The following PCDHA4 variants were observed in gnomAD, a reference collection of about 807,000 sequenced individuals.
PCDHA4 encodes protocadherin alpha-4.
PCDHA4 carries 49 observed loss-of-function variants against 61.4 expected under a neutral mutation model. The ratio of observed to expected loss-of-function variants is 0.80; its 90% CI spans 0.63 to 1.01. PCDHA4 has a LOEUF of 1.01. PCDHA4 is among the 50% of genes least tolerant of loss of function. PCDHA4 has a pLI of 0.00. For synonymous variants in PCDHA4, 590 were observed against 550.3 expected (o/e 1.07, Z -1.01); for missense variants, 1,254 against 1,235.8 (o/e 1.01, Z -0.22).
At chr5:140,934,957 G>A (rs2090122349) in intron 1 of PCDHA4, among the ~76,000 whole-genome samples, 1 of 152,250 alleles carries the variant, frequency 6.6e-6, no homozygotes, top group Non-Finnish European at 1.5e-5. Context: ...GATCCCATGT[G>A]CTTGTCACCC....
chr5:140,841,773 G>C (rs1292935559), intron 1 of PCDHA4: 2 of 1,613,894 alleles, frequency 1.2e-6, no homozygotes, highest in East Asian at 4.5e-5. Flanking sequence ...CCAGACTCTC[G>C]GTTTCCGCTA....
chr5:140,871,044 A>G, intron 1 of PCDHA4: 1 of 1,613,304 alleles, frequency 6.2e-7, no homozygotes, highest in Non-Finnish European at 8.5e-7. Flanking sequence ...ACCGACTTCT[A>G]GTACTGGTGA....
Position 140,809,005 on chromosome 5 carries a change from G to C in PCDHA4, c.1818G>C (p.Trp606Cys). 1.2e-6 allele frequency: 2 copies of C among 1,613,694 alleles called. No individual in the cohort carries two copies. Reference sequence around the variant, plus strand: ...ATGCTGACTCGGGCTACAACGCGTGGCTTTCGTACGAGCTGCAGCCGGGGA... The same window carrying C: ...ATGCTGACTCGGGCTACAACGCGTGCCTTTCGTACGAGCTGCAGCCGGGGA... ...AVDADSGYNAWLSYELQPGTG... is the reference protein window; with the variant it reads ...AVDADSGYNACLSYELQPGTG... The change falls in exon 1 of 4, where the codon TGG becomes TGC. Residue 606 changes from tryptophan (W) to cysteine (C), a missense_variant. Coordinates refer to ENST00000530339, the MANE Select transcript of PCDHA4 (RefSeq NM_018907.4).
In PCDHA4 at chr5:140,807,999, A is replaced by T. The variant is rs1554124378; in HGVS notation, c.812A>T (p.Glu271Val). 1 of 1,613,834 alleles carries T rather than the reference A, an allele frequency of 6.2e-7. No individual in the cohort carries two copies. Among genetic ancestry groups the T allele is most frequent in the Non-Finnish European group, 8.5e-7 (1 of 1,179,742 alleles). ...AAACTTAACGCCTCAGATTTAGACG[A>T]AGGATTGAATGGGGACATTGTTTAT... ...VIKLNASDLD[E>V]GLNGDIVYSF... The change falls in exon 1 of 4, where the codon GAA becomes GTA. Residue 271 changes from glutamate to valine, a missense_variant. Coordinates refer to ENST00000530339, the MANE Select transcript of PCDHA4 (RefSeq NM_018907.4).
intron 1 of PCDHA4, chr5:140,866,128 A>G (rs1022878402): frequency 6.6e-6 from 1 of 152,166 alleles, no homozygotes; most frequent in Non-Finnish European, 1.5e-5. Flanking sequence ...AGAACTACGT[A>G]TCTGTTGTTT....
chr5:140,829,371 CG>C (rs1770257793), intron 1 of PCDHA4: 9 of 1,614,198 alleles, frequency 5.6e-6, no homozygotes, highest in Non-Finnish European at 6.8e-6. Flanking sequence ...GTGGTAACCG[CG>C]CGGGACGGGG....
intron 1 of PCDHA4, among the ~76,000 whole-genome samples, chr5:140,907,970 A>G (rs1312755290): frequency 6.6e-6 from 1 of 152,158 alleles, no homozygotes; most frequent in African/African-American, 2.4e-5. Context: ...CAATTTTCCA[A>G]TCATGCTTCT....
At chr5:140,987,007 A>T (rs2097221901) in intron 3 of PCDHA4, among the ~76,000 whole-genome samples, 1 of 152,144 alleles carries the variant, frequency 6.6e-6, no homozygotes, top group Non-Finnish European at 1.5e-5. Context: ...TGAGGTCATG[A>T]GTTCGAGACC....
intron 3 of PCDHA4, among the ~76,000 whole-genome samples, chr5:141,000,648 G>A (rs559996046): frequency 8.9e-4 from 134 of 150,894 alleles, no homozygotes; most frequent in African/African-American, 2.6e-3. Flanking sequence ...GGCTGGTCTC[G>A]AACTCCTGAC....
intron 1 of PCDHA4, among the ~76,000 whole-genome samples, chr5:140,935,583 C>T (rs1182817725): frequency 1.3e-5 from 2 of 152,168 alleles, no homozygotes; most frequent in Admixed American, 6.5e-5. Flanking sequence ...AGTTAAGCCA[C>T]CAGCTAGATA....
chr5:140,823,693 G>A, intron 1 of PCDHA4: 1 of 1,613,958 alleles, frequency 6.2e-7, no homozygotes, highest in Non-Finnish European at 8.5e-7. Context: ...GGATGAGACC[G>A]AAGCACCGCG....
intron 3 of PCDHA4, among the ~76,000 whole-genome samples, chr5:141,000,339 ATC>A (rs1414297743): frequency 2.0e-5 from 2 of 102,334 alleles, no homozygotes; most frequent in Admixed American, 1.0e-4. Context: ...GCAAGGCCCT[ATC>A]TCTCTCTCTG....
At chr5:140,972,925 G>T (rs1297920795) in intron 1 of PCDHA4, among the ~76,000 whole-genome samples, 1 of 152,120 alleles carries the variant, frequency 6.6e-6, no homozygotes, top group Non-Finnish European at 1.5e-5. Context: ...GCCTCCCAAA[G>T]TGCTGGGATT....
rs1764247036 is a variant in PCDHA4 at position 140,808,723 on chromosome 5, G to A, written c.1536G>A (p.Ala512=). Residue 512 remains alanine (A), a synonymous_variant, in exon 1 of 4, where the codon GCG becomes GCA. Transcript: ENST00000530339. ...TGTCGAGCTACGTTTCGGTGCATGC[G>A]GAGAGCGGCAAGGTGTACGCGCTGC... ...RALSSYVSVH[A]ESGKVYALQP... 2.5e-6 allele frequency: 4 copies of A among 1,612,108 alleles called. No individual in the cohort carries two copies. Among genetic ancestry groups the A allele is most frequent in the South Asian group, 2.2e-5 (2 of 91,010 alleles).
At chr5:140,899,175 C>G (rs1219166721) in intron 1 of PCDHA4, among the ~76,000 whole-genome samples, 2 of 152,034 alleles carry the variant, frequency 1.3e-5, no homozygotes, top group African/African-American at 4.8e-5. Flanking sequence ...AATTGAATAC[C>G]CTTTATTTCC....
chr5:140,831,877 C>T (rs2150197891), intron 1 of PCDHA4, among the ~76,000 whole-genome samples: 14 of 152,186 alleles, frequency 9.2e-5, no homozygotes, highest in Non-Finnish European at 1.9e-4. Context: ...TATTGTAAGG[C>T]GCTTATAACT....
intron 1 of PCDHA4, chr5:140,870,144 T>C (rs782683134): frequency 1.9e-6 from 3 of 1,614,058 alleles, no homozygotes; most frequent in Admixed American, 1.7e-5. Flanking sequence ...ATAACTCTCC[T>C]GAAGTCGCCG....
At chr5:140,841,695 A>C in intron 1 of PCDHA4, 1 of 1,613,932 alleles carries the variant, frequency 6.2e-7, no homozygotes, top group East Asian at 2.2e-5. Flanking sequence ...GAGGTGAAGG[A>C]TGTTAATGAC....
At chr5:140,928,277 C>A (rs2085098556) in intron 1 of PCDHA4, 2 of 1,614,156 alleles carry the variant, frequency 1.2e-6, no homozygotes, top group South Asian at 2.2e-5. Context: ...GGCCCTGGGG[C>A]CTCTCTAGGC....
Sources: allele counts gnomAD v4.1 joint callset (sites outside exome capture counted in the v4.1 genomes callset), GRCh38; gene constraint gnomAD v4.1.1; transcripts MANE v1.5; gene names NCBI Gene and HGNC (gene_info 2026-07-23, HGNC 2026-07-21).